The following CPNE4 variants were observed in gnomAD, a reference collection of about 807,000 sequenced individuals.
CPNE4 encodes the protein copine-4.
In CPNE4, 25 loss-of-function variants were observed where a neutral mutation model predicts 67.9. That is an observed-to-expected ratio of 0.37 (90% CI 0.27 to 0.51). The LOEUF is 0.51. CPNE4 is among the 20% of genes least tolerant of loss of function. The pLI, the probability that CPNE4 is intolerant of heterozygous loss-of-function variation, is 0.93. For synonymous variants in CPNE4, 242 were observed against 244.9 expected (o/e 0.99, Z 0.11); for missense variants, 464 against 690.8 (o/e 0.67, Z 3.68).
chr3:131,719,431 C>A (rs1257210656), intron 3 of CPNE4, among the ~76,000 whole-genome samples: 1 of 152,204 alleles, frequency 6.6e-6, no homozygotes, highest in Non-Finnish European at 1.5e-5. Flanking sequence ...AAAAACGTAT[C>A]TTGAAAGGAC....
At chr3:131,605,830 G>C (rs769491711) in intron 7 of CPNE4, among the ~76,000 whole-genome samples, 2 of 152,106 alleles carry the variant, frequency 1.3e-5, no homozygotes, top group South Asian at 4.2e-4. Flanking sequence ...TTTGGTTAAC[G>C]TCATTGAACA....
At chr3:131,761,298 C>G (rs906913283) in intron 2 of CPNE4, among the ~76,000 whole-genome samples, 1 of 149,118 alleles carries the variant, frequency 6.7e-6, no homozygotes, top group African/African-American at 2.5e-5. Flanking sequence ...TCACTGTAGC[C>G]TAGAATTCCT....
chr3:131,877,080 G>C (rs2087491074), intron 2 of CPNE4, among the ~76,000 whole-genome samples: 1 of 151,224 alleles, frequency 6.6e-6, no homozygotes, highest in African/African-American at 2.4e-5. Flanking sequence ...CAAAGCTAAT[G>C]ATTAGTTTTC....
chr3:131,978,890 CATT>C (rs1344041212), intron 1 of CPNE4, among the ~76,000 whole-genome samples: 1 of 151,680 alleles, frequency 6.6e-6, no homozygotes, highest in Non-Finnish European at 1.5e-5. Context: ...GACAGATTGT[CATT>C]ATTGTTGTTC....
intron 2 of CPNE4, among the ~76,000 whole-genome samples, chr3:131,786,330 C>T (rs796608655): frequency 1.1e-4 from 17 of 152,214 alleles, no homozygotes; most frequent in African/African-American, 3.9e-4. Context: ...GCCAGAGTGA[C>T]TGGAAGTTTC....
At chr3:131,942,463 T>TGTGA (rs2071424814) in intron 1 of CPNE4, among the ~76,000 whole-genome samples, 23 of 70,766 alleles carry the variant, frequency 3.3e-4, no homozygotes, top group African/African-American at 7.0e-4. Flanking sequence ...TGTGTGTGTG[T>TGTGA]GAGAGAGAGA....
chr3:131,980,603 G>C (rs953374694), intron 1 of CPNE4, among the ~76,000 whole-genome samples: 9 of 151,812 alleles, frequency 5.9e-5, no homozygotes, highest in Non-Finnish European at 1.3e-4. Flanking sequence ...TTCACTTCTT[G>C]TATCATTTTT....
chr3:131,545,756 T>C (rs117611132), intron 14 of CPNE4, among the ~76,000 whole-genome samples: 1,818 of 152,320 alleles, frequency 0.012, 29 homozygotes, highest in South Asian at 0.055. Flanking sequence ...ATATGGGTCT[T>C]ATGTTGTACA....
chr3:131,760,315 G>A (rs567880666), intron 2 of CPNE4, among the ~76,000 whole-genome samples: 4 of 152,160 alleles, frequency 2.6e-5, no homozygotes, highest in Non-Finnish European at 5.9e-5. Context: ...TCTCTGTGAA[G>A]TGGGCATCCT....
intron 1 of CPNE4, among the ~76,000 whole-genome samples, chr3:131,951,561 CTT>C (rs1240850766): frequency 6.7e-6 from 1 of 149,074 alleles, no homozygotes; most frequent in Non-Finnish European, 1.5e-5. Flanking sequence ...CTCTCCCTCT[CTT>C]TCCACGGTCT....
chr3:131,929,603 G>C (rs2070996157), intron 1 of CPNE4, among the ~76,000 whole-genome samples: 1 of 151,056 alleles, frequency 6.6e-6, no homozygotes, highest in Non-Finnish European at 1.5e-5. Context: ...ATCCCTCACA[G>C]ATCTGCAAGG....
chr3:131,799,602 C>T, intron 2 of CPNE4, among the ~76,000 whole-genome samples: 1 of 152,140 alleles, frequency 6.6e-6, no homozygotes, highest in East Asian at 1.9e-4. Flanking sequence ...GACCTCCTCC[C>T]TTTCCTACAT....
intron 2 of CPNE4, among the ~76,000 whole-genome samples, chr3:131,901,742 G>T (rs1306301265): frequency 6.6e-6 from 1 of 152,016 alleles, no homozygotes; most frequent in African/African-American, 2.4e-5. Context: ...GTTTGGTTCT[G>T]GGACTACCAT....
At chr3:131,782,949 G>T (rs151216034) in intron 2 of CPNE4, among the ~76,000 whole-genome samples, 112 of 152,056 alleles carry the variant, frequency 7.4e-4, no homozygotes, top group African/African-American at 2.6e-3. Context: ...CTTGAGAGGG[G>T]CTCAGTTATA....
At chr3:131,555,578 A>C (rs773694748) in intron 11 of CPNE4, 27 bp from the exon 12 acceptor site, 4 of 1,602,582 alleles carry the variant, frequency 2.5e-6, no homozygotes, top group Non-Finnish European at 3.4e-6. Flanking sequence ...GAAAAGAAAA[A>C]ACAAGAAGTT....
At chr3:131,743,977 A>AAAAAAAAC (rs1476668583) in intron 2 of CPNE4, among the ~76,000 whole-genome samples, 5 of 148,774 alleles carry the variant, frequency 3.4e-5, no homozygotes, top group Admixed American at 1.3e-4. Context: ...AAAAAAAAAA[A>AAAAAAAAC]AAAAAAACAA....
At chr3:131,564,818 A>G (rs79159644) in intron 10 of CPNE4, among the ~76,000 whole-genome samples, 113 of 152,142 alleles carry the variant, frequency 7.4e-4, no homozygotes, top group Admixed American at 2.3e-3. Flanking sequence ...TCATGTTTCC[A>G]TGAGTGGCCA....
chr3:132,023,510 C>T (rs1445466749), intron 1 of CPNE4, among the ~76,000 whole-genome samples: 2 of 93,630 alleles, frequency 2.1e-5, no homozygotes, highest in Admixed American at 1.8e-4. Flanking sequence ...TTTTTTGAGA[C>T]GGAGTCTCGC....
intron 2 of CPNE4, among the ~76,000 whole-genome samples, chr3:131,786,693 G>A (rs771705911): frequency 3.3e-5 from 5 of 151,920 alleles, no homozygotes; most frequent in Non-Finnish European, 7.4e-5. Flanking sequence ...TATGACATTG[G>A]GCAAGATAAT....
Sources: allele counts gnomAD v4.1 joint callset (sites outside exome capture counted in the v4.1 genomes callset), GRCh38; gene constraint gnomAD v4.1.1; transcripts MANE v1.5; gene names NCBI Gene and HGNC (gene_info 2026-07-23, HGNC 2026-07-21).